Variants in CEP85L observed in about 807,000 individuals in gnomAD.
CEP85L encodes the protein centrosomal protein 85L.
Under a neutral mutation model 100.3 loss-of-function variants are expected in CEP85L, and 60 were observed. The observed-to-expected ratio is 0.60, with a 90% confidence interval of 0.49 to 0.74. The LOEUF is 0.74. Ranked by LOEUF, CEP85L falls within the 30% of genes least tolerant of loss-of-function variation. CEP85L has a pLI of 0.00. For synonymous variants in CEP85L, 319 were observed against 322.7 expected (o/e 0.99, Z 0.12); for missense variants, 973 against 936.2 (o/e 1.04, Z -0.51).
intron 2 of CEP85L, among the ~76,000 whole-genome samples, chr6:118,620,903 G>GAGA (rs1773396779): frequency 1.3e-5 from 2 of 152,102 alleles, no homozygotes; most frequent in Non-Finnish European, 2.9e-5. Context: ...CCCTTATTAA[G>GAGA]GAGGGACATA....
At chr6:118,695,126 A>C (rs1777165742) in intron 1 of CEP85L, among the ~76,000 whole-genome samples, 1 of 152,236 alleles carries the variant, frequency 6.6e-6, no homozygotes, top group African/African-American at 2.4e-5. Context: ...ATCCAATAGC[A>C]TAAACCATTT....
chr6:118,497,266 C>T (rs1774984078), intron 5 of CEP85L, among the ~76,000 whole-genome samples: 1 of 152,180 alleles, frequency 6.6e-6, no homozygotes, highest in African/African-American at 2.4e-5. Context: ...CACAAAAGCA[C>T]TGAAAAGCCT....
In CEP85L at chr6:118,469,222, A is replaced by T. The variant is rs765952639; in HGVS notation, c.2104T>A (p.Ser702Thr). The T allele has an allele frequency of 8.7e-6, 14 of 1,613,982 alleles. No homozygotes were observed. In the South Asian group the frequency reaches 1.3e-4, roughly 15 times the overall value. The change falls in exon 12 of 13, where the codon TCC becomes ACC. Residue 702 changes from serine (S) to threonine (T), a missense_variant. Transcript: ENST00000368491. Reference protein sequence around the residue: ...PDQSRQQTVLSKRPLFDLTVI... With the variant: ...PDQSRQQTVLTKRPLFDLTVI... ...GTCAAATCAAATAGTGGCCGTTTGG[A>T]AAGAACTGTCTGCTGCCTAGATTGG... is the stretch of plus-strand genomic sequence containing the variant.
intron 5 of CEP85L, among the ~76,000 whole-genome samples, chr6:118,497,549 C>T (rs749441141): frequency 1.3e-4 from 20 of 152,090 alleles, no homozygotes; most frequent in Non-Finnish European, 2.5e-4. Context: ...CTTGAATCAT[C>T]CCAAACCACA....
chr6:118,587,215 T>C (rs1780913460), intron 2 of CEP85L, among the ~76,000 whole-genome samples: 2 of 152,218 alleles, frequency 1.3e-5, no homozygotes, highest in African/African-American at 2.4e-5. Context: ...TAAAGACTTA[T>C]CAGGCATAAA....
At chr6:118,481,987 A>C (rs1773821278) in intron 7 of CEP85L, 54 bp from the exon 8 acceptor site, 4 of 1,102,954 alleles carry the variant, frequency 3.6e-6, no homozygotes, top group Non-Finnish European at 4.9e-6. Context: ...ATACGCTTCT[A>C]TTAGAAACTG....
rs1772318014 is a variant in CEP85L, at chr6:118,463,231, C to T, written c.*2174G>A. The T allele has an allele frequency of 6.6e-6, 1 of 151,630 alleles. No homozygotes were observed. The highest frequency in any genetic ancestry group is 1.5e-5 in the Non-Finnish European group (1 of 67,802). 9.4% of individuals were successfully genotyped at this position (151,630 alleles called of 1,614,324 possible). A position where few individuals can be genotyped will look rare whatever the true frequency, so the allele number is the denominator to read the frequency against. ...AAAACGTATCTATAGTAGATTAAAA[C>T]AAACTGTAACGTCTGCTTAAAAAAA... On this transcript the variant is annotated 3_prime_UTR_variant, in exon 13 of 13. Coordinates refer to ENST00000368491, the MANE Select transcript of CEP85L (RefSeq NM_001042475.3).
intron 5 of CEP85L, among the ~76,000 whole-genome samples, chr6:118,505,786 CT>C (rs1206570564): frequency 6.6e-6 from 1 of 152,260 alleles, no homozygotes; most frequent in East Asian, 1.9e-4. Context: ...AGTGAAACTA[CT>C]CTGCATGATA....
At chr6:118,559,008 G>GT in intron 3 of CEP85L, 1 of 1,610,204 alleles carries the variant, frequency 6.2e-7, no homozygotes, top group Non-Finnish European at 8.5e-7. Context: ...AAAAGCTACA[G>GT]AATCTATTTA....
chr6:118,528,809 T>G (rs1777119408), intron 3 of CEP85L, among the ~76,000 whole-genome samples: 1 of 152,148 alleles, frequency 6.6e-6, no homozygotes, highest in Non-Finnish European at 1.5e-5. Flanking sequence ...TTGAAGTACC[T>G]AGCAAAATTC....
At chr6:118,587,586 T>C (rs1290144210) in intron 2 of CEP85L, among the ~76,000 whole-genome samples, 1 of 151,990 alleles carries the variant, frequency 6.6e-6, no homozygotes, top group African/African-American at 2.4e-5. Flanking sequence ...ATGTAAAAAA[T>C]AACACATGGG....
intron 6 of CEP85L, among the ~76,000 whole-genome samples, chr6:118,485,630 C>G (rs2213856): frequency 6.6e-6 from 1 of 151,974 alleles, no homozygotes; most frequent in Non-Finnish European, 1.5e-5. Flanking sequence ...ATACAATTCC[C>G]TTTTTACAGA....
intron 2 of CEP85L, among the ~76,000 whole-genome samples, chr6:118,568,909 T>C (rs1422161740): frequency 6.6e-6 from 1 of 152,072 alleles, no homozygotes; most frequent in African/African-American, 2.4e-5. Flanking sequence ...AAAGGAGTAG[T>C]TATACTAAAA....
At chr6:118,553,465 C>T (rs186409692) in intron 3 of CEP85L, among the ~76,000 whole-genome samples, 1 of 152,024 alleles carries the variant, frequency 6.6e-6, no homozygotes, top group South Asian at 2.1e-4. Context: ...ACTAGGATTC[C>T]ACACATTTCA....
intron 5 of CEP85L, among the ~76,000 whole-genome samples, chr6:118,509,582 T>C (rs1775852822): frequency 6.6e-6 from 1 of 152,136 alleles, no homozygotes; most frequent in Non-Finnish European, 1.5e-5. Flanking sequence ...CAATATTTCC[T>C]GATTTTAATA....
At chr6:118,612,000 A>G (rs951262664) in intron 2 of CEP85L, among the ~76,000 whole-genome samples, 2 of 152,228 alleles carry the variant, frequency 1.3e-5, no homozygotes, top group Admixed American at 6.5e-5. Flanking sequence ...ATCAACATTT[A>G]TAGGACACTC....
At chr6:118,531,783 GA>G (rs1437207153) in intron 3 of CEP85L, among the ~76,000 whole-genome samples, 1 of 152,044 alleles carries the variant, frequency 6.6e-6, no homozygotes, top group African/African-American at 2.4e-5. Flanking sequence ...AATCATTAGA[GA>G]AATGCAAATC....
intron 1 of CEP85L, among the ~76,000 whole-genome samples, chr6:118,708,471 A>G (rs1777672564): frequency 6.6e-6 from 1 of 152,282 alleles, no homozygotes; most frequent in Non-Finnish European, 1.5e-5. Context: ...AAATTGTGTT[A>G]ATAAAAGTCA....
chr6:118,513,345 T>C (rs915148482), intron 4 of CEP85L, among the ~76,000 whole-genome samples: 2 of 152,068 alleles, frequency 1.3e-5, no homozygotes, highest in Non-Finnish European at 2.9e-5. Context: ...TATACACCCA[T>C]AGGTTCAGGA....
Sources: allele counts gnomAD v4.1 joint callset (sites outside exome capture counted in the v4.1 genomes callset), GRCh38; gene constraint gnomAD v4.1.1; transcripts MANE v1.5; gene names NCBI Gene and HGNC (gene_info 2026-07-23, HGNC 2026-07-21).